PARM1: variants seen among roughly 807,000 people sequenced by gnomAD.
PARM1 encodes the protein WSC4, cell wall integrity and stress response component 4 homolog.
A neutral mutation model predicts 24.6 loss-of-function variants in PARM1; 14 were observed. The observed-to-expected ratio is 0.57, with a 90% CI of 0.38 to 0.89. The LOEUF (loss-of-function observed/expected upper bound fraction) is 0.89, where lower values mean the gene tolerates loss of function less well. Ranked by LOEUF, PARM1 falls within the 40% of genes least tolerant of loss-of-function variation. PARM1 has a pLI of 0.00. For missense variants in PARM1, 362 were observed against 380.4 expected, an observed-to-expected ratio of 0.95 and a Z score of 0.40; for synonymous variants, 179 against 156.6, an observed-to-expected ratio of 1.14 and a Z score of -1.07.
chr4:75,025,329 G>A (rs1029854381), intron 2 of PARM1, among the ~76,000 whole-genome samples: 1 of 152,214 alleles, frequency 6.6e-6, no homozygotes, highest in Non-Finnish European at 1.5e-5. Context: ...GAGTTGCTAT[G>A]TGTTAATCGG....
intron 1 of PARM1, among the ~76,000 whole-genome samples, chr4:75,005,952 C>T (rs774078296): frequency 3.3e-5 from 5 of 152,210 alleles, no homozygotes; most frequent in Admixed American, 6.5e-5. Context: ...GGGCCTGTCA[C>T]TGCCCCAGCA....
intron 2 of PARM1, among the ~76,000 whole-genome samples, chr4:75,020,186 A>G (rs1276470232): frequency 6.6e-6 from 1 of 152,218 alleles, no homozygotes; most frequent in African/African-American, 2.4e-5. Context: ...AGAATGGCAA[A>G]CATTTACTGG....
At chr4:74,954,053 A>G (rs1168872144) in intron 1 of PARM1, among the ~76,000 whole-genome samples, 3 of 152,242 alleles carry the variant, frequency 2.0e-5, no homozygotes, top group Non-Finnish European at 4.4e-5. Context: ...AACTAAAAGT[A>G]GATATGGAAT....
chr4:74,954,668 C>T (rs1170119997), intron 1 of PARM1, among the ~76,000 whole-genome samples: 1 of 152,178 alleles, frequency 6.6e-6, no homozygotes, highest in Non-Finnish European at 1.5e-5. Context: ...ATCAATCCTG[C>T]ACCTGTGGGA....
chr4:75,009,759 A>C (rs969867875), intron 1 of PARM1, among the ~76,000 whole-genome samples: 2 of 152,236 alleles, frequency 1.3e-5, no homozygotes, highest in Non-Finnish European at 1.5e-5. Flanking sequence ...GCAAGTCCTT[A>C]TTAAGCACTT....
At chr4:75,046,064 TG>T in intron 3 of PARM1, 98 bp from the exon 4 acceptor site, 1 of 740,632 alleles carries the variant, frequency 1.4e-6, no homozygotes, top group Non-Finnish European at 2.4e-6. Context: ...TCCCTCTCCC[TG>T]GCCCCATAAG....
chr4:74,949,835 C>CTT (rs746995341), intron 1 of PARM1, among the ~76,000 whole-genome samples: 1,474 of 135,736 alleles, frequency 0.011, 22 homozygotes, highest in African/African-American at 0.037. Flanking sequence ...GCCTCTTACT[C>CTT]TTTTTTTTTT....
chr4:74,955,533 GC>G (rs1721612995), intron 1 of PARM1, among the ~76,000 whole-genome samples: 1 of 152,124 alleles, frequency 6.6e-6, no homozygotes, highest in South Asian at 2.1e-4. Flanking sequence ...TGAACTTTGT[GC>G]CCCTAGTAAG....
chr4:75,007,126 G>A (rs1722788515), intron 1 of PARM1, among the ~76,000 whole-genome samples: 1 of 152,180 alleles, frequency 6.6e-6, no homozygotes, highest in Non-Finnish European at 1.5e-5. Context: ...AGGAAAAAAT[G>A]CTCATCATCA....
chr4:75,016,291 G>T (rs1282856368), intron 2 of PARM1, among the ~76,000 whole-genome samples: 2 of 152,206 alleles, frequency 1.3e-5, no homozygotes, highest in African/African-American at 4.8e-5. Flanking sequence ...GGACACACTT[G>T]CATTCAGAAT....
At chr4:75,028,088 C>G (rs997954865) in intron 2 of PARM1, among the ~76,000 whole-genome samples, 33 of 152,330 alleles carry the variant, frequency 2.2e-4, no homozygotes, top group African/African-American at 7.9e-4. Flanking sequence ...CCTACTTTCT[C>G]ATGAGGATTA....
At chr4:75,014,324 G>A (rs368349382) in intron 2 of PARM1, among the ~76,000 whole-genome samples, 5 of 152,136 alleles carry the variant, frequency 3.3e-5, no homozygotes, top group South Asian at 2.1e-4. Context: ...TATTTCAAAG[G>A]CCCAGTATAT....
At chr4:74,947,765 G>T (rs1311323731) in intron 1 of PARM1, among the ~76,000 whole-genome samples, 1 of 152,130 alleles carries the variant, frequency 6.6e-6, no homozygotes, top group Non-Finnish European at 1.5e-5. Flanking sequence ...GGAACATGGG[G>T]ATGCATTATA....
chr4:74,995,636 A>T (rs574981785), intron 1 of PARM1, among the ~76,000 whole-genome samples: 7 of 152,114 alleles, frequency 4.6e-5, no homozygotes, highest in African/African-American at 1.7e-4. Flanking sequence ...TATGGGTCCT[A>T]TGAGAAGTAC....
intron 3 of PARM1, among the ~76,000 whole-genome samples, chr4:75,036,456 T>TAAAATA (rs1302314795): frequency 1.3e-5 from 2 of 152,188 alleles, no homozygotes; most frequent in Non-Finnish European, 2.9e-5. Flanking sequence ...CCCTCACCTG[T>TAAAATA]AAAATAAGGG....
At chr4:74,969,802 C>G (rs1451387003) in intron 1 of PARM1, 2 of 152,216 alleles carry the variant, frequency 1.3e-5, no homozygotes, top group Non-Finnish European at 2.9e-5. Context: ...ACCTTACTAT[C>G]AGCTATCACC....
intron 1 of PARM1, among the ~76,000 whole-genome samples, chr4:75,006,965 G>A (rs186600702): frequency 3.3e-5 from 5 of 152,120 alleles, no homozygotes; most frequent in African/African-American, 9.6e-5. Context: ...AAATTTTTGC[G>A]ATCTACCCAT....
chr4:74,999,624 A>C (rs1722640149), intron 1 of PARM1, among the ~76,000 whole-genome samples: 1 of 152,258 alleles, frequency 6.6e-6, no homozygotes, highest in Non-Finnish European at 1.5e-5. Context: ...CTCTATACAT[A>C]GTTGTTGAAT....
chr4:75,038,066 A>G (rs1192662128), intron 3 of PARM1, among the ~76,000 whole-genome samples: 2 of 152,068 alleles, frequency 1.3e-5, no homozygotes, highest in Non-Finnish European at 2.9e-5. Context: ...ACAGGCACAC[A>G]CCACCACACC....
Sources: gnomAD v4.1 joint callset for allele counts (sites outside exome capture counted in the v4.1 genomes callset) on GRCh38, gnomAD v4.1.1 for gene constraint, MANE v1.5 for transcripts, NCBI Gene and HGNC (gene_info 2026-07-23, HGNC 2026-07-21) for gene names.